Variants in SOX5 observed in about 807,000 individuals in gnomAD.
SOX5 encodes transcription factor SOX-5.
Under a neutral mutation model 92.0 loss-of-function variants are expected in SOX5, and 9 were observed. The observed-to-expected ratio is 0.10, with a 90% CI of 0.06 to 0.17. The LOEUF is 0.17. Among genes scored for constraint, SOX5 ranks in the 10% least tolerant of loss-of-function variants. The pLI is 1.00. For synonymous variants in SOX5, 344 were observed against 336.3 expected (o/e 1.02, Z -0.25); for missense variants, 642 against 944.5 (o/e 0.68, Z 4.20).
At chr12:24,149,005 G>T (rs1205296988) in intron 4 of SOX5, among the ~76,000 whole-genome samples, 1 of 152,106 alleles carries the variant, frequency 6.6e-6, no homozygotes, top group South Asian at 2.1e-4. Flanking sequence ...TTAATAAGTG[G>T]TGTTGGAACA....
At chr12:23,939,737 T>C (rs904302278) in intron 1 of SOX5, among the ~76,000 whole-genome samples, 10 of 150,912 alleles carry the variant, frequency 6.6e-5, no homozygotes, top group Non-Finnish European at 1.5e-5. Context: ...AAGCTTGTTC[T>C]CTCGATACAG....
intron 3 of SOX5, among the ~76,000 whole-genome samples, chr12:23,845,498 G>A (rs182474354): frequency 1.3e-5 from 2 of 152,216 alleles, no homozygotes; most frequent in South Asian, 2.1e-4. Flanking sequence ...AGGAACTTAA[G>A]CATATCTAAA....
chr12:23,874,290 G>A (rs1810028043), intron 2 of SOX5, among the ~76,000 whole-genome samples: 1 of 151,908 alleles, frequency 6.6e-6, no homozygotes, highest in East Asian at 1.9e-4. Flanking sequence ...CTAATAAATT[G>A]GCACTATAGC....
At chr12:23,984,713 A>G (rs976743611) in intron 4 of SOX5, among the ~76,000 whole-genome samples, 14 of 152,208 alleles carry the variant, frequency 9.2e-5, no homozygotes, top group African/African-American at 3.4e-4. Context: ...ATTTCAAACT[A>G]TAGGCCTTTT....
chr12:24,344,085 C>T (rs866235831), intron 2 of SOX5, among the ~76,000 whole-genome samples: 1 of 151,874 alleles, frequency 6.6e-6, no homozygotes, highest in Non-Finnish European at 1.5e-5. Context: ...GAGATTGAGG[C>T]CATCCTGACC....
intron 3 of SOX5, among the ~76,000 whole-genome samples, chr12:23,817,560 T>C (rs571359967): frequency 1.3e-5 from 2 of 152,212 alleles, no homozygotes; most frequent in African/African-American, 4.8e-5. Flanking sequence ...CATAGAGAGA[T>C]AGATCCAGTG....
chr12:23,964,697 A>G lies in SOX5; in HGVS notation c.-1-68673T>C, dbSNP rs185794556. ...TATTAATAATTCAGGACAATCATTTACCTCAGCATTTTCCAAGCATCTAAA... is the reference window on the plus strand; with the variant it reads ...TATTAATAATTCAGGACAATCATTTGCCTCAGCATTTTCCAAGCATCTAAA... On this transcript the variant is annotated intron_variant, in intron 4 of 4. Transcript: ENST00000446891. Among the ~76,000 whole-genome samples, 220 of 152,334 alleles carry G rather than the reference A, an allele frequency of 1.4e-3. 1 individual carries two copies. Among genetic ancestry groups the G allele is most frequent in the Non-Finnish European group, 1.9e-3 (132 of 68,012 alleles).
chr12:24,074,034 T>A (rs530952685), intron 4 of SOX5, among the ~76,000 whole-genome samples: 12 of 151,880 alleles, frequency 7.9e-5, no homozygotes, highest in Non-Finnish European at 1.8e-4. Context: ...ACAGAGACCA[T>A]GCCTACATCC....
chr12:24,444,621 T>G (rs1179475365), intron 1 of SOX5, among the ~76,000 whole-genome samples: 2 of 152,186 alleles, frequency 1.3e-5, no homozygotes, highest in South Asian at 2.1e-4. Flanking sequence ...CTGCCAGCAG[T>G]GCTCACAGCT....
chr12:23,912,650 C>T (rs1334849350), intron 1 of SOX5, among the ~76,000 whole-genome samples: 1 of 151,990 alleles, frequency 6.6e-6, no homozygotes, highest in Non-Finnish European at 1.5e-5. Flanking sequence ...GAACATGATT[C>T]AATAATAAAA....
intron 4 of SOX5, among the ~76,000 whole-genome samples, chr12:24,122,147 A>C (rs1399427901): frequency 1.3e-5 from 2 of 152,206 alleles, no homozygotes; most frequent in Non-Finnish European, 2.9e-5. Flanking sequence ...GATCAACTGC[A>C]GACAAGAGCA....
At chr12:24,321,152 T>C (rs1199986432) in intron 2 of SOX5, among the ~76,000 whole-genome samples, 1 of 152,196 alleles carries the variant, frequency 6.6e-6, no homozygotes, top group Non-Finnish European at 1.5e-5. Context: ...GACAGGTTTA[T>C]TCCTTGTAAA....
chr12:24,091,125 C>A (rs1944585690), intron 4 of SOX5, among the ~76,000 whole-genome samples: 1 of 152,180 alleles, frequency 6.6e-6, no homozygotes, highest in South Asian at 2.1e-4. Context: ...TGTTTTCTGA[C>A]ATTGCCTGAG....
intron 4 of SOX5, among the ~76,000 whole-genome samples, chr12:24,201,270 T>G (rs962660260): frequency 3.3e-5 from 5 of 152,130 alleles, no homozygotes; most frequent in African/African-American, 1.2e-4. Flanking sequence ...GAAAGAAAAT[T>G]TTATATTTTG....
At chr12:24,114,529 T>C (rs955971928) in intron 4 of SOX5, among the ~76,000 whole-genome samples, 26 of 120,782 alleles carry the variant, frequency 2.2e-4, no homozygotes, top group African/African-American at 7.2e-4. Flanking sequence ...TGAGCTAACA[T>C]TGCACCACTG....
chr12:23,553,339 A>C (rs1310550938), intron 11 of SOX5, among the ~76,000 whole-genome samples: 1 of 152,036 alleles, frequency 6.6e-6, no homozygotes, highest in Non-Finnish European at 1.5e-5. Context: ...TAGTCCTTAA[A>C]ATAGAAAACC....
chr12:23,748,070 C>T (rs974405388), intron 4 of SOX5, among the ~76,000 whole-genome samples: 5 of 151,844 alleles, frequency 3.3e-5, no homozygotes, highest in Admixed American at 2.6e-4. Flanking sequence ...GCAATCACAT[C>T]TCACTTTCTA....
chr12:23,942,013 C>T (rs1943742772), intron 1 of SOX5, among the ~76,000 whole-genome samples: 1 of 150,784 alleles, frequency 6.6e-6, no homozygotes, highest in African/African-American at 2.4e-5. Context: ...AACCATTGCC[C>T]AACAAACACT....
At chr12:23,963,006 T>C (rs1947129319) in intron 4 of SOX5, among the ~76,000 whole-genome samples, 4 of 152,202 alleles carry the variant, frequency 2.6e-5, no homozygotes, top group African/African-American at 9.6e-5. Flanking sequence ...ATCTAATGAT[T>C]TCCCCTTATC....
Sources: gnomAD v4.1 joint callset for allele counts (sites outside exome capture counted in the v4.1 genomes callset) on GRCh38, gnomAD v4.1.1 for gene constraint, MANE v1.5 for transcripts, NCBI Gene and HGNC (gene_info 2026-07-23, HGNC 2026-07-21) for gene names.